The following FNBP1 variants were observed in gnomAD, a reference collection of about 807,000 sequenced individuals.
FNBP1 encodes the protein formin-binding protein 1.
A neutral mutation model predicts 90.6 loss-of-function variants in FNBP1; 26 were observed. The ratio of observed to expected loss-of-function variants is 0.29; its 90% CI spans 0.21 to 0.40. FNBP1 has a LOEUF of 0.40. Ranked by LOEUF, FNBP1 falls within the 10% of genes least tolerant of loss-of-function variation. The probability of loss-of-function intolerance (pLI) is 1.00; values close to 1 mark genes in which losing one functional copy is unlikely to be tolerated. For synonymous variants in FNBP1, 260 were observed against 265.2 expected (o/e 0.98, Z 0.19); for missense variants, 635 against 768.0 (o/e 0.83, Z 2.05).
In FNBP1 at chr9:129,900,594, G is replaced by A; in HGVS notation, c.1429-47C>T. ...GACTCCAACCTAAGGCCATCTGAGG[G>A]TCAGCCCAGAGTGTCCTAAGGTCCC... On this transcript the variant is annotated intron_variant, in intron 13 of 16. Coordinates refer to ENST00000446176, the MANE Select transcript of FNBP1 (RefSeq NM_015033.3). The surrounding 1 kb of genome is among the most constrained non-coding windows in gnomAD (Gnocchi z 4.1). The A allele has an allele frequency of 2.1e-6, 3 of 1,457,132 alleles. No individual in the cohort carries two copies. The highest frequency in any genetic ancestry group is 2.7e-6 in the Non-Finnish European group (3 of 1,107,100). 90.3% of individuals were successfully genotyped at this position (1,457,132 alleles called of 1,614,324 possible). A position where few individuals can be genotyped will look rare whatever the true frequency, so the allele number is the denominator to read the frequency against.
intron 2 of FNBP1, among the ~76,000 whole-genome samples, chr9:129,985,452 A>T (rs2052012833): frequency 6.6e-6 from 1 of 152,242 alleles, no homozygotes; most frequent in Non-Finnish European, 1.5e-5. Flanking sequence ...GTTAAGTGGA[A>T]GAACCAGGAT....
At chr9:130,014,974 T>G (rs1180034202) in intron 1 of FNBP1, among the ~76,000 whole-genome samples, 1 of 139,010 alleles carries the variant, frequency 7.2e-6, no homozygotes, top group Admixed American at 7.2e-5. Flanking sequence ...AAAAACTTCT[T>G]AAAAAAAAAA....
chr9:129,951,517 CT>C (rs1283409275), intron 6 of FNBP1, among the ~76,000 whole-genome samples: 1 of 152,044 alleles, frequency 6.6e-6, no homozygotes, highest in Admixed American at 6.6e-5. Context: ...TCTTGGCTCA[CT>C]GAAACCTCTG....
upstream of FNBP1, among the ~76,000 whole-genome samples, chr9:130,045,740 GGAGA>G (rs539112742): frequency 7.2e-5 from 11 of 152,236 alleles, no homozygotes; most frequent in East Asian, 1.5e-3. Flanking sequence ...AAAAAATAAA[GGAGA>G]GAGACACCAA....
At chr9:129,910,718 A>G (rs2039117546) in intron 11 of FNBP1, among the ~76,000 whole-genome samples, 1 of 152,062 alleles carries the variant, frequency 6.6e-6, no homozygotes, top group Non-Finnish European at 1.5e-5. Flanking sequence ...GCTGATTATG[A>G]TAAAATGCCA....
intron 1 of FNBP1, among the ~76,000 whole-genome samples, chr9:130,022,007 G>A (rs1165442802): frequency 6.6e-6 from 1 of 152,012 alleles, no homozygotes; most frequent in African/African-American, 2.4e-5. Context: ...GACCACAGGT[G>A]CAGGCTACCA....
intron 11 of FNBP1, among the ~76,000 whole-genome samples, chr9:129,911,741 A>T (rs1272263229): frequency 6.6e-6 from 1 of 151,666 alleles, no homozygotes; most frequent in East Asian, 1.9e-4. Context: ...AACCAGCCTG[A>T]CCAACATAGA....
At chr9:129,927,393 A>G (rs2131978621) in intron 7 of FNBP1, 52 bp from the exon 8 acceptor site, 1 of 1,568,012 alleles carries the variant, frequency 6.4e-7, no homozygotes, top group African/African-American at 1.4e-5. Context: ...TTATTAAACA[A>G]AGTTGTTTTT....
intron 1 of FNBP1, among the ~76,000 whole-genome samples, chr9:130,011,215 CAAAAAAAAAAAAAAAA>C (rs1192541205): frequency 2.2e-4 from 3 of 13,418 alleles, no homozygotes; most frequent in African/African-American, 6.6e-4. Context: ...GACTCCATCT[CAAAAAAAAAAAAAAAA>C]AAAAAAAAAA....
rs927651382 is a variant in FNBP1 at position 129,890,510 on chromosome 9, G to A, written c.*29C>T. ...AGCAGACGGAGGCTCCTCCAGGAAGGCTCACCCGAGGCTCGCAGGCACTCC... is the reference window on the plus strand; with the variant it reads ...AGCAGACGGAGGCTCCTCCAGGAAGACTCACCCGAGGCTCGCAGGCACTCC... On this transcript the variant is annotated 3_prime_UTR_variant, in exon 17 of 17. Coordinates refer to ENST00000446176, the MANE Select transcript of FNBP1 (RefSeq NM_015033.3). This position sits in a 1 kb window ranked among gnomAD's most constrained non-coding sequence, Gnocchi z 5.8. 3.2e-6 allele frequency: 5 copies of A among 1,577,932 alleles called. No homozygotes were observed. In the Admixed American group the frequency reaches 9.0e-5, roughly 28 times the overall value.
upstream of FNBP1, among the ~76,000 whole-genome samples, chr9:130,045,656 C>T (rs896109120): frequency 3.3e-5 from 5 of 152,152 alleles, no homozygotes; most frequent in African/African-American, 4.8e-5. Context: ...GTTAATTATA[C>T]AACACTGCAA....
intron 6 of FNBP1, among the ~76,000 whole-genome samples, chr9:129,948,333 A>G (rs1376896345): frequency 1.4e-5 from 2 of 147,264 alleles, no homozygotes; most frequent in Non-Finnish European, 3.0e-5. Flanking sequence ...GCTATTGCTC[A>G]TACAAAACAC....
chr9:129,970,068 G>GT (rs570365365), intron 4 of FNBP1, among the ~76,000 whole-genome samples: 48 of 140,278 alleles, frequency 3.4e-4, no homozygotes, highest in Admixed American at 8.6e-4. Context: ...TTTTGGGTTT[G>GT]TTTTTTTTTT....
chr9:130,021,405 T>G (rs1390747917), intron 1 of FNBP1, among the ~76,000 whole-genome samples: 3 of 152,226 alleles, frequency 2.0e-5, no homozygotes, highest in Non-Finnish European at 4.4e-5. Flanking sequence ...CCTTGAACAC[T>G]CACTGCAAAT....
intron 6 of FNBP1, among the ~76,000 whole-genome samples, chr9:129,955,280 C>T (rs1036948546): frequency 1.3e-5 from 2 of 151,788 alleles, no homozygotes; most frequent in African/African-American, 2.4e-5. Flanking sequence ...GTCATCCAGG[C>T]TGGAGTGCAG....
At chr9:130,046,586 AAAAAAAAAAAAAAAAAAACACC>A (rs2060061224), upstream of FNBP1, among the ~76,000 whole-genome samples, 2 of 148,660 alleles carry the variant, frequency 1.3e-5, no homozygotes, top group African/African-American at 4.9e-5. Context: ...AATACAAAAA[AAAAAAAAAAAAAAAAAAACACC>A]AAAAAAAAAA....
intron 6 of FNBP1, among the ~76,000 whole-genome samples, chr9:129,931,415 A>G (rs534101147): frequency 6.6e-6 from 1 of 152,096 alleles, no homozygotes; most frequent in East Asian, 1.9e-4. Context: ...CATCCTGGCT[A>G]ACATGGTGAA....
intron 11 of FNBP1, among the ~76,000 whole-genome samples, chr9:129,913,528 T>TG (rs911369740): frequency 6.6e-6 from 1 of 151,956 alleles, no homozygotes; most frequent in Non-Finnish European, 1.5e-5. Flanking sequence ...CCCAGCACTG[T>TG]GGGGGGCTGA....
At chr9:129,902,291 A>C (rs890522482) in intron 13 of FNBP1, among the ~76,000 whole-genome samples, 2 of 152,128 alleles carry the variant, frequency 1.3e-5, no homozygotes, top group South Asian at 2.1e-4. Context: ...AATAACTTAA[A>C]GTACAAAAAA....
Sources: gnomAD v4.1 joint callset for allele counts (sites outside exome capture counted in the v4.1 genomes callset) on GRCh38, gnomAD v4.1.1 for gene constraint, Gnocchi (gnomAD v3.1) non-coding constraint, MANE v1.5 for transcripts, NCBI Gene and HGNC (gene_info 2026-07-23, HGNC 2026-07-21) for gene names.